CLSTN2: variants seen among roughly 807,000 people sequenced by gnomAD.
CLSTN2 encodes the protein calsyntenin 2.
In CLSTN2, 48 loss-of-function variants were observed where a neutral mutation model predicts 101.2. That is an observed-to-expected ratio of 0.47 (90% CI 0.38 to 0.60). CLSTN2 has a LOEUF of 0.60. Ranked by LOEUF, CLSTN2 falls within the 20% of genes least tolerant of loss-of-function variation. CLSTN2 has a pLI of 0.00. For synonymous variants in CLSTN2, 481 were observed against 463.6 expected (o/e 1.04, Z -0.48); for missense variants, 1,160 against 1,238.2 (o/e 0.94, Z 0.95).
At chr3:140,357,379 G>A (rs2087682269) in intron 2 of CLSTN2, among the ~76,000 whole-genome samples, 1 of 151,950 alleles carries the variant, frequency 6.6e-6, no homozygotes, top group African/African-American at 2.4e-5. Flanking sequence ...TCCGAATGCA[G>A]CCCCTGGGCC....
intron 1 of CLSTN2, among the ~76,000 whole-genome samples, chr3:139,950,853 C>G (rs1461698545): frequency 6.6e-6 from 1 of 152,192 alleles, no homozygotes; most frequent in Non-Finnish European, 1.5e-5. Flanking sequence ...TGTCAGTTCG[C>G]AGCAACACCA....
intron 1 of CLSTN2, among the ~76,000 whole-genome samples, chr3:140,068,830 C>CT (rs775768184): frequency 1.1e-4 from 16 of 152,228 alleles, no homozygotes; most frequent in Non-Finnish European, 1.8e-4. Context: ...ATTTAAAGCA[C>CT]TGCATGAGAC....
At chr3:140,089,683 G>T (rs1329397734) in intron 1 of CLSTN2, among the ~76,000 whole-genome samples, 1 of 151,366 alleles carries the variant, frequency 6.6e-6, no homozygotes, top group Non-Finnish European at 1.5e-5. Context: ...TGCAACCTTG[G>T]CTTACTGCAG....
chr3:140,307,498 T>C (rs2087126189), intron 2 of CLSTN2, among the ~76,000 whole-genome samples: 1 of 152,186 alleles, frequency 6.6e-6, no homozygotes, highest in Admixed American at 6.5e-5. Flanking sequence ...TCTAATAACC[T>C]CTAAGTATTC....
At chr3:140,241,034 A>G (rs754939693) in intron 2 of CLSTN2, among the ~76,000 whole-genome samples, 1 of 152,160 alleles carries the variant, frequency 6.6e-6, no homozygotes, top group Non-Finnish European at 1.5e-5. Flanking sequence ...GACATGGAAA[A>G]TGATAATGCA....
At chr3:140,509,742 C>A (rs956821177) in intron 8 of CLSTN2, among the ~76,000 whole-genome samples, 1 of 152,198 alleles carries the variant, frequency 6.6e-6, no homozygotes, top group African/African-American at 2.4e-5. Flanking sequence ...TTCGTTGAGA[C>A]TGGATTTCCT....
chr3:140,181,363 A>C (rs2010404909), intron 2 of CLSTN2, among the ~76,000 whole-genome samples: 1 of 151,384 alleles, frequency 6.6e-6, no homozygotes, highest in Non-Finnish European at 1.5e-5. Context: ...AATTTGTATT[A>C]TTATCAGTAA....
chr3:140,323,038 T>C (rs1411781509), intron 2 of CLSTN2, among the ~76,000 whole-genome samples: 3 of 152,234 alleles, frequency 2.0e-5, no homozygotes, highest in Admixed American at 6.5e-5. Context: ...TCTGATGTAT[T>C]ATATTTGTTA....
chr3:140,131,000 G>C (rs777381565), intron 1 of CLSTN2, among the ~76,000 whole-genome samples: 11 of 151,932 alleles, frequency 7.2e-5, no homozygotes, highest in Non-Finnish European at 1.5e-4. Flanking sequence ...ACAGCGCCAG[G>C]AAAAACATAC....
chr3:140,309,232 C>G (rs566397256), intron 2 of CLSTN2, among the ~76,000 whole-genome samples: 1 of 152,070 alleles, frequency 6.6e-6, no homozygotes, highest in Non-Finnish European at 1.5e-5. Context: ...TCCTGGCCTA[C>G]CTGGCATCCG....
rs561478882 is a variant in CLSTN2, at chr3:140,112,365, G to GT, written c.110-63585dup. On this transcript the variant is annotated intron_variant, in intron 1 of 16. Coordinates refer to ENST00000458420, the MANE Select transcript of CLSTN2 (RefSeq NM_022131.3). Reference sequence around the variant, plus strand: ...AAATATTAAAAGTGTGTGTGTGTGTGTGTGTTTTTTACTACACTCCAAATA... The same window carrying GT: ...AAATATTAAAAGTGTGTGTGTGTGTGTTGTGTTTTTTACTACACTCCAAATA... 9.0e-3 allele frequency among the ~76,000 whole-genome samples: 655 copies of GT among 73,112 alleles called. 5 individuals are homozygous for GT. The highest frequency in any genetic ancestry group is 0.051 in the African/African-American group (631 of 12,294). 48.0% of individuals were successfully genotyped at this position (73,112 alleles called of 152,430 possible).
intron 1 of CLSTN2, among the ~76,000 whole-genome samples, chr3:140,018,581 C>G (rs890278): frequency 0.99 from 151,502 of 152,286 alleles, 75,368 homozygotes; most frequent in Middle Eastern, 1. Flanking sequence ...AGGAACATGG[C>G]AGGAAAAGGG....
intron 1 of CLSTN2, among the ~76,000 whole-genome samples, chr3:139,956,155 T>C (rs1343865378): frequency 6.6e-6 from 1 of 152,228 alleles, no homozygotes; most frequent in Non-Finnish European, 1.5e-5. Context: ...AGAAAGTCCA[T>C]AAGTAGTGGT....
chr3:140,251,817 C>T (rs770283396), intron 2 of CLSTN2, among the ~76,000 whole-genome samples: 20 of 151,974 alleles, frequency 1.3e-4, no homozygotes, highest in African/African-American at 2.2e-4. Context: ...CAAAAGAATG[C>T]GTTGAGTACT....
chr3:140,245,510 G>T (rs1432183319), intron 2 of CLSTN2, among the ~76,000 whole-genome samples: 1 of 152,174 alleles, frequency 6.6e-6, no homozygotes. Context: ...AAAGGAGTGT[G>T]CAATCCTTAA....
At chr3:140,536,158 A>G (rs1329892935) in intron 9 of CLSTN2, among the ~76,000 whole-genome samples, 3 of 152,140 alleles carry the variant, frequency 2.0e-5, no homozygotes, top group African/African-American at 7.2e-5. Context: ...CAGCCTTGCC[A>G]TCTACTAGCT....
intron 2 of CLSTN2, among the ~76,000 whole-genome samples, chr3:140,392,119 T>C (rs1378121851): frequency 2.0e-5 from 3 of 151,776 alleles, no homozygotes; most frequent in Non-Finnish European, 4.4e-5. Context: ...GAGCTTTTAA[T>C]GATATGTGCT....
intron 1 of CLSTN2, among the ~76,000 whole-genome samples, chr3:140,100,268 G>A (rs2008943355): frequency 6.7e-6 from 1 of 149,890 alleles, no homozygotes; most frequent in Admixed American, 6.7e-5. Flanking sequence ...TTCTTGACTT[G>A]ACACAGGACA....
chr3:140,272,379 T>A lies in CLSTN2; in HGVS notation c.232+96306T>A, dbSNP rs79265711. Among the ~76,000 whole-genome samples, 788 of 152,270 alleles carry A rather than the reference T, an allele frequency of 5.2e-3. 5 individuals are homozygous for A. Among genetic ancestry groups the A allele is most frequent in the African/African-American group, 0.018 (752 of 41,556 alleles). On this transcript the variant is annotated intron_variant, in intron 2 of 16. Coordinates refer to ENST00000458420, the MANE Select transcript of CLSTN2 (RefSeq NM_022131.3). ...AAAGTCAGCAATTGATATCTCACAG[T>A]GTAAATATGAAGACAAATAGATTAT...
Sources: gnomAD v4.1 joint callset for allele counts (sites outside exome capture counted in the v4.1 genomes callset) on GRCh38, gnomAD v4.1.1 for gene constraint, MANE v1.5 for transcripts, NCBI Gene and HGNC (gene_info 2026-07-23, HGNC 2026-07-21) for gene names.